RAB5C: variants seen among roughly 807,000 people sequenced by gnomAD.
RAB5C encodes the protein ras-related protein Rab-5C.
In RAB5C, 4 loss-of-function variants were observed where a neutral mutation model predicts 25.2. The observed-to-expected ratio is 0.16, with a 90% confidence interval of 0.08 to 0.36. RAB5C has a LOEUF of 0.36. Among genes scored for constraint, RAB5C ranks in the 10% least tolerant of loss-of-function variants. The pLI is 1.00. For missense variants in RAB5C, 199 were observed against 283.8 expected, an observed-to-expected ratio of 0.70 and a Z score of 2.15; for synonymous variants, 100 against 106.4, an observed-to-expected ratio of 0.94 and a Z score of 0.37.
chr17:42,139,046 T>G (rs1233290567), intron 1 of RAB5C, among the ~76,000 whole-genome samples: 1 of 152,158 alleles, frequency 6.6e-6, no homozygotes, highest in Non-Finnish European at 1.5e-5. Context: ...CAATGACAGA[T>G]GGGTTCTCTG....
At chr17:42,135,977 C>A (rs1442858681) in intron 1 of RAB5C, among the ~76,000 whole-genome samples, 1 of 152,146 alleles carries the variant, frequency 6.6e-6, no homozygotes, top group Non-Finnish European at 1.5e-5. Flanking sequence ...AACCAAGTGA[C>A]CCCGCCCAGG....
intron 1 of RAB5C, among the ~76,000 whole-genome samples, chr17:42,143,952 A>G (rs1342785705): frequency 6.6e-6 from 1 of 151,814 alleles, no homozygotes; most frequent in Non-Finnish European, 1.5e-5. Flanking sequence ...TACCCAGCTA[A>G]CTTTTGTATT....
At chr17:42,138,680 C>T (rs73311671) in intron 1 of RAB5C, among the ~76,000 whole-genome samples, 1 of 152,302 alleles carries the variant, frequency 6.6e-6, no homozygotes, top group African/African-American at 2.4e-5. Flanking sequence ...CACAATCAGG[C>T]CCTGATGGGG....
chr17:42,146,855 A>C lies in RAB5C; in HGVS notation c.-89+8038T>G, dbSNP rs543256687. On this transcript the variant is annotated intron_variant, in intron 1 of 5. Transcript: ENST00000346213. The stretch of plus-strand genomic sequence containing the variant: ...CTCTGCCTCTACTAAAAGTACAAAA[A>C]ATTAGCCAAGCGTGGTGGCAGGAGC... 1.3e-4 allele frequency among the ~76,000 whole-genome samples: 20 copies of C among 151,736 alleles called. No individual in the cohort carries two copies. The South Asian group carries it at 4.2e-3, about 32-fold the overall frequency.
chr17:42,154,203 T>C (rs1445535878), intron 1 of RAB5C, among the ~76,000 whole-genome samples: 5 of 152,122 alleles, frequency 3.3e-5, no homozygotes, highest in South Asian at 2.1e-4. Flanking sequence ...GTAGCTAGGA[T>C]TGAGCAAACC....
intron 1 of RAB5C, among the ~76,000 whole-genome samples, chr17:42,150,541 T>C (rs1482800094): frequency 1.7e-5 from 1 of 58,654 alleles, no homozygotes. Flanking sequence ...TGAAACTCCA[T>C]CTCAAAAAAA....
At position 42,125,900 on chromosome 17, in the gene RAB5C, T is replaced by C; in HGVS notation, c.536-2A>G. The C allele has an allele frequency of 6.2e-7, 1 of 1,603,844 alleles. No individual in the cohort carries two copies. On this transcript the variant is annotated splice_acceptor_variant, in intron 5 of 5. Transcript: ENST00000346213. LOFTEE classifies it high-confidence loss of function. ...GCTCGTTCTTGGGAAGCTTCTTAGC[T>C]GTTTGGGAGGGGGAAAAGTGCATTT...
At chr17:42,126,039 TGTTTTCAGGAAACTGCGGCAAA>T (rs1447581675) in intron 5 of RAB5C, 141 bp from the exon 6 acceptor site, 11 of 642,928 alleles carry the variant, frequency 1.7e-5, no homozygotes, top group Non-Finnish European at 3.0e-5. Flanking sequence ...GCATTCTGAT[TGTTTTCAGGAAACTGCGGCAAA>T]GTAAGGTTAA....
chr17:42,130,355 G>A lies in RAB5C; in HGVS notation c.148C>T (p.Gln50Ter), dbSNP rs917753463. The A allele has an allele frequency of 6.2e-7, 1 of 1,611,566 alleles. No individual in the cohort carries two copies. Among genetic ancestry groups the A allele is most frequent in the African/African-American group, 1.3e-5 (1 of 74,880 alleles). ...RFVKGQFHEY[Q>*]ESTIGAAFLT... Reference sequence around the variant, plus strand: ...CACTCACCTCCAATTGTGCTCTCCTGGTACTCGTGAAACTGTCCCTTGACA... The same window carrying A: ...CACTCACCTCCAATTGTGCTCTCCTAGTACTCGTGAAACTGTCCCTTGACA... The change falls in exon 2 of 6, where the codon CAG becomes TAG. Residue 50 changes from glutamine (Q) to a stop codon, truncating the protein, a stop_gained. Transcript: ENST00000346213. LOFTEE classifies it high-confidence loss of function.
At chr17:42,147,336 G>T (rs1221695665) in intron 1 of RAB5C, among the ~76,000 whole-genome samples, 1 of 152,190 alleles carries the variant, frequency 6.6e-6, no homozygotes, top group African/African-American at 2.4e-5. Flanking sequence ...CCTTCACTCA[G>T]GAACGAGCCT....
intron 1 of RAB5C, among the ~76,000 whole-genome samples, chr17:42,138,779 G>T (rs150409182): frequency 1.3e-5 from 2 of 152,192 alleles, no homozygotes; most frequent in Non-Finnish European, 2.9e-5. Context: ...TTAAAGCCTG[G>T]ATACACATTA....
At chr17:42,146,693 G>A (rs1473732929) in intron 1 of RAB5C, among the ~76,000 whole-genome samples, 2 of 151,176 alleles carry the variant, frequency 1.3e-5, no homozygotes, top group Non-Finnish European at 2.9e-5. Flanking sequence ...AGGTTGCAGT[G>A]AGCCAAGATG....
chr17:42,146,954 C>T (rs560545342), intron 1 of RAB5C, among the ~76,000 whole-genome samples: 1 of 150,118 alleles, frequency 6.7e-6, no homozygotes, highest in Admixed American at 6.7e-5. Context: ...GAGCCGAGAT[C>T]GTACCACTGC....
intron 1 of RAB5C, among the ~76,000 whole-genome samples, chr17:42,133,292 G>GA (rs1309322177): frequency 6.6e-6 from 1 of 152,160 alleles, no homozygotes; most frequent in Non-Finnish European, 1.5e-5. Context: ...GATGGTAATA[G>GA]AAAACCAAGT....
intron 1 of RAB5C, among the ~76,000 whole-genome samples, chr17:42,142,372 T>C (rs916148402): frequency 2.6e-5 from 4 of 152,016 alleles, no homozygotes; most frequent in Admixed American, 2.6e-4. Flanking sequence ...CTTCCTTCCA[T>C]CTCAAAGCCT....
chr17:42,136,119 AGTT>A (rs1401770957), intron 1 of RAB5C: 1 of 152,224 alleles, frequency 6.6e-6, no homozygotes, highest in Non-Finnish European at 1.5e-5. Flanking sequence ...AGCAGAAAGG[AGTT>A]GTTAAAGAAA....
chr17:42,129,455 C>T lies in RAB5C; in HGVS notation c.167-655G>A, dbSNP rs1436338061. Reference sequence around the variant, plus strand: ...ACCTTCAGTCACTAAGAGGTGACTCCTTAGGGGAATGCAGGGTGCCTGTAC... The same window carrying T: ...ACCTTCAGTCACTAAGAGGTGACTCTTTAGGGGAATGCAGGGTGCCTGTAC... On this transcript the variant is annotated intron_variant, in intron 2 of 5. Coordinates refer to ENST00000346213, the MANE Select transcript of RAB5C (RefSeq NM_004583.4). 4.6e-5 allele frequency among the ~76,000 whole-genome samples: 7 copies of T among 152,154 alleles called. No homozygotes were observed. In the South Asian group the frequency reaches 1.4e-3, roughly 32 times the overall value.
At chr17:42,139,422 G>C (rs2054569159) in intron 1 of RAB5C, among the ~76,000 whole-genome samples, 1 of 152,224 alleles carries the variant, frequency 6.6e-6, no homozygotes, top group Non-Finnish European at 1.5e-5. Flanking sequence ...CTCCCTAAGA[G>C]GGCCCAGTGT....
At chr17:42,151,391 C>G (rs899635643) in intron 1 of RAB5C, among the ~76,000 whole-genome samples, 1 of 151,540 alleles carries the variant, frequency 6.6e-6, no homozygotes, top group Admixed American at 6.6e-5. Context: ...GAGCCAAGAT[C>G]GCACCACTGC....
Sources: gnomAD v4.1 joint callset for allele counts (sites outside exome capture counted in the v4.1 genomes callset) on GRCh38, gnomAD v4.1.1 for gene constraint, MANE v1.5 for transcripts, NCBI Gene and HGNC (gene_info 2026-07-23, HGNC 2026-07-21) for gene names.